Variants in SLC25A21 observed in about 807,000 individuals in gnomAD.
SLC25A21 encodes the protein solute carrier family 25 member 21.
Under a neutral mutation model 43.8 loss-of-function variants are expected in SLC25A21, and 47 were observed. The observed-to-expected ratio is 1.07, with a 90% CI of 0.85 to 1.37. The LOEUF (loss-of-function observed/expected upper bound fraction) is 1.37. Among genes scored for constraint, SLC25A21 ranks in the 40% most tolerant of loss-of-function variants. The pLI is 0.00. For missense variants in SLC25A21, 352 were observed against 350.2 expected (o/e 1.00, Z -0.04); for synonymous variants, 131 against 121.3 (o/e 1.08, Z -0.52).
chr14:37,169,686 AT>A (rs1964089762), intron 1 of SLC25A21, among the ~76,000 whole-genome samples: 1 of 151,910 alleles, frequency 6.6e-6, no homozygotes, highest in African/African-American at 2.4e-5. Context: ...TTTTATTAAA[AT>A]TCTTCCTCTC....
intron 6 of SLC25A21, among the ~76,000 whole-genome samples, chr14:36,723,445 T>C (rs932944233): frequency 2.0e-5 from 3 of 152,250 alleles, no homozygotes; most frequent in African/African-American, 4.8e-5. Flanking sequence ...ATGCATCTAA[T>C]TGATTTTATT....
chr14:36,986,117 A>T (rs1960139481), intron 1 of SLC25A21, among the ~76,000 whole-genome samples: 1 of 152,184 alleles, frequency 6.6e-6, no homozygotes, highest in Admixed American at 6.6e-5. Flanking sequence ...GGCTCTTTAC[A>T]ACTGAAATCT....
intron 1 of SLC25A21, among the ~76,000 whole-genome samples, chr14:36,901,053 C>A (rs1328377647): frequency 6.6e-6 from 1 of 151,246 alleles, no homozygotes; most frequent in African/African-American, 2.4e-5. Flanking sequence ...AACATTGCCT[C>A]ATGGAAAAAA....
chr14:36,680,557 C>T lies in SLC25A21; in HGVS notation c.*101G>A. ...AGATTTTGTTCTTGAACAGTTTTCT[C>T]CTTCATAATTATACACCTGGCCGAT... On this transcript the variant is annotated 3_prime_UTR_variant, in exon 10 of 10. Coordinates refer to ENST00000331299, the MANE Select transcript of SLC25A21 (RefSeq NM_030631.4). 7.0e-7 allele frequency: 1 copy of T among 1,437,102 alleles called. No individual in the cohort carries two copies. The highest frequency in any genetic ancestry group is 9.2e-7 in the Non-Finnish European group (1 of 1,091,472). 89.0% of individuals were successfully genotyped at this position (1,437,102 alleles called of 1,614,324 possible).
At chr14:36,943,310 G>A (rs1387588242) in intron 1 of SLC25A21, among the ~76,000 whole-genome samples, 1 of 152,086 alleles carries the variant, frequency 6.6e-6, no homozygotes, top group African/African-American at 2.4e-5. Context: ...TCCTGCCTCA[G>A]CCTCCCGACT....
At chr14:36,888,885 C>A (rs1890999497) in intron 1 of SLC25A21, among the ~76,000 whole-genome samples, 2 of 152,194 alleles carry the variant, frequency 1.3e-5, no homozygotes. Flanking sequence ...AGCATTACTT[C>A]TTGCAATCAT....
chr14:37,006,474 C>G (rs964742647), intron 1 of SLC25A21, among the ~76,000 whole-genome samples: 6 of 151,860 alleles, frequency 4.0e-5, no homozygotes, highest in African/African-American at 1.5e-4. Context: ...AAAATAAAGT[C>G]CCTCTGAAAA....
At chr14:36,882,537 C>T (rs17767095) in intron 1 of SLC25A21, among the ~76,000 whole-genome samples, 8,827 of 152,160 alleles carry the variant, frequency 0.058, 371 homozygotes, top group East Asian at 0.18. Flanking sequence ...GTAGCCAAAA[C>T]AAATGATGAA....
chr14:36,697,343 T>C (rs1444115131), intron 7 of SLC25A21, among the ~76,000 whole-genome samples: 2 of 152,224 alleles, frequency 1.3e-5, no homozygotes, highest in African/African-American at 4.8e-5. Context: ...TGTGGTCAAC[T>C]ACAGAATAAG....
At chr14:36,749,274 T>G (rs1885614858) in intron 3 of SLC25A21, among the ~76,000 whole-genome samples, 2 of 152,212 alleles carry the variant, frequency 1.3e-5, no homozygotes, top group South Asian at 4.1e-4. Context: ...AAATTTAATT[T>G]GGCTAAAGTA....
At chr14:37,037,284 T>C (rs1961348065) in intron 1 of SLC25A21, among the ~76,000 whole-genome samples, 1 of 152,346 alleles carries the variant, frequency 6.6e-6, no homozygotes, top group South Asian at 2.1e-4. Flanking sequence ...TATTCTTGCA[T>C]TGCAGCTGAC....
chr14:36,705,831 T>C (rs1278768467), intron 7 of SLC25A21, among the ~76,000 whole-genome samples: 1 of 152,136 alleles, frequency 6.6e-6, no homozygotes, highest in African/African-American at 2.4e-5. Context: ...GGTAAGGGAA[T>C]TGAAACAATA....
At chr14:36,991,088 G>A (rs1442308640) in intron 1 of SLC25A21, among the ~76,000 whole-genome samples, 3 of 152,140 alleles carry the variant, frequency 2.0e-5, no homozygotes, top group African/African-American at 7.2e-5. Flanking sequence ...TTATGTTAAA[G>A]TCCTGATAAT....
intron 1 of SLC25A21, among the ~76,000 whole-genome samples, chr14:37,063,479 G>A (rs961189872): frequency 1.3e-5 from 2 of 152,070 alleles, no homozygotes; most frequent in Non-Finnish European, 2.9e-5. Flanking sequence ...CAGTCTGGGT[G>A]ACAGAAGGGA....
At chr14:36,756,285 G>T (rs1053615339) in intron 3 of SLC25A21, among the ~76,000 whole-genome samples, 1 of 152,190 alleles carries the variant, frequency 6.6e-6, no homozygotes, top group Non-Finnish European at 1.5e-5. Flanking sequence ...GCTGGAAGAC[G>T]ATGTTCGGCC....
rs1267986614 is a variant in SLC25A21 at position 36,736,633 on chromosome 14, A to C, written c.204-2060T>G. ...ATGCCTGATTATTGTAGGAAAAAAA[A>C]AATAAAGAGAAACACTTAAATAAGT... is the stretch of plus-strand genomic sequence containing the variant. On this transcript the variant is annotated intron_variant, in intron 3 of 9. Coordinates refer to ENST00000331299, the MANE Select transcript of SLC25A21 (RefSeq NM_030631.4). Among the ~76,000 whole-genome samples, 5 of 152,212 alleles carry C rather than the reference A, an allele frequency of 3.3e-5. No individual in the cohort carries two copies. The East Asian group carries it at 9.7e-4, about 29-fold the overall frequency.
intron 1 of SLC25A21, among the ~76,000 whole-genome samples, chr14:37,127,703 A>G (rs537658044): frequency 6.6e-6 from 1 of 152,332 alleles, no homozygotes; most frequent in South Asian, 2.1e-4. Context: ...ACTGACTGCT[A>G]CATTCAATTG....
At chr14:37,035,452 G>A (rs1961307837) in intron 1 of SLC25A21, among the ~76,000 whole-genome samples, 1 of 152,220 alleles carries the variant, frequency 6.6e-6, no homozygotes, top group Non-Finnish European at 1.5e-5. Context: ...TGTTATTACA[G>A]AGTGATAAAA....
intron 1 of SLC25A21, among the ~76,000 whole-genome samples, chr14:37,041,346 C>T (rs1961467395): frequency 1.3e-5 from 2 of 152,042 alleles, no homozygotes; most frequent in Admixed American, 1.3e-4. Flanking sequence ...GTTAAAATGA[C>T]CCATGTGCAT....
Sources: allele counts gnomAD v4.1 joint callset (sites outside exome capture counted in the v4.1 genomes callset), GRCh38; gene constraint gnomAD v4.1.1; transcripts MANE v1.5; gene names NCBI Gene and HGNC (gene_info 2026-07-23, HGNC 2026-07-21).